THSD4: variants seen among roughly 807,000 people sequenced by gnomAD.
THSD4 encodes thrombospondin type 1 domain containing 4.
In THSD4, 69 loss-of-function variants were observed where a neutral mutation model predicts 119.0. The observed-to-expected ratio is 0.58, with a 90% CI of 0.48 to 0.71. THSD4 has a LOEUF of 0.71. Among genes scored for constraint, THSD4 ranks in the 30% least tolerant of loss-of-function variants. The probability of loss-of-function intolerance (pLI) is 0.00; values close to 1 mark genes in which losing one functional copy is unlikely to be tolerated. For missense variants in THSD4, 1,393 were observed against 1,391.1 expected, an observed-to-expected ratio of 1.00 and a Z score of -0.02; for synonymous variants, 524 against 540.4, an observed-to-expected ratio of 0.97 and a Z score of 0.42.
chr15:71,426,704 TCTCTCTTATAAACACC>T (rs2046874423), intron 7 of THSD4, among the ~76,000 whole-genome samples: 1 of 152,196 alleles, frequency 6.6e-6, no homozygotes, highest in Non-Finnish European at 1.5e-5. Context: ...TTGTGGACTC[TCTCTCTTATAAACACC>T]CCAAGCAAAC....
chr15:71,451,242 A>T (rs949653129), intron 7 of THSD4, among the ~76,000 whole-genome samples: 24 of 152,252 alleles, frequency 1.6e-4, no homozygotes, highest in Non-Finnish European at 1.0e-4. Context: ...TGAGTCAGGG[A>T]ACTGTATGGT....
Position 71,392,555 on chromosome 15 carries a change from AGTTT to A in THSD4, c.1016-19129_1016-19126del, listed in dbSNP as rs1363210618. Among the ~76,000 whole-genome samples the A allele has an allele frequency of 2.6e-5, 4 of 152,162 alleles. No homozygotes were observed. In the East Asian group the frequency reaches 7.7e-4, roughly 29 times the overall value. ...CAGTAGATTCTCCAGTGTGCTAGGT[AGTTT>A]GTCTAAAGGCCTAACCATCATCCTT... On this transcript the variant is annotated intron_variant, in intron 6 of 17. Coordinates refer to ENST00000261862, the MANE Select transcript of THSD4 (RefSeq NM_024817.3).
intron 6 of THSD4, among the ~76,000 whole-genome samples, chr15:71,304,212 G>A (rs1452661237): frequency 2.0e-5 from 3 of 152,090 alleles, no homozygotes; most frequent in African/African-American, 7.2e-5. Flanking sequence ...CATGAAACAT[G>A]GCACAAGCTC....
At chr15:71,730,739 C>T (rs2052960820) in intron 9 of THSD4, 1 of 169,386 alleles carries the variant, frequency 5.9e-6, no homozygotes, top group African/African-American at 2.4e-5. Context: ...CTTTGTCACG[C>T]CACCTAGTGT....
At chr15:71,618,868 G>A (rs998934433) in intron 7 of THSD4, among the ~76,000 whole-genome samples, 1 of 152,038 alleles carries the variant, frequency 6.6e-6, no homozygotes, top group African/African-American at 2.4e-5. Flanking sequence ...ATAAGCCACC[G>A]TGCACAGCCT....
chr15:71,252,328 C>T (rs2044268017), intron 5 of THSD4, among the ~76,000 whole-genome samples: 1 of 152,250 alleles, frequency 6.6e-6, no homozygotes, highest in Non-Finnish European at 1.5e-5. Context: ...GATCTGTAAC[C>T]TGGAAGTTTT....
At chr15:71,273,823 G>C (rs910172171) in intron 6 of THSD4, among the ~76,000 whole-genome samples, 1 of 152,130 alleles carries the variant, frequency 6.6e-6, no homozygotes, top group Non-Finnish European at 1.5e-5. Flanking sequence ...CACCAATTTT[G>C]GCTAAGTCAA....
intron 6 of THSD4, among the ~76,000 whole-genome samples, chr15:71,388,663 A>AT (rs2046326149): frequency 7.4e-6 from 1 of 134,230 alleles, no homozygotes; most frequent in Non-Finnish European, 1.6e-5. Flanking sequence ...CTTTGGAGAG[A>AT]GTGTGTGTGT....
At chr15:71,674,074 C>A (rs761425049) in intron 8 of THSD4, among the ~76,000 whole-genome samples, 1 of 152,214 alleles carries the variant, frequency 6.6e-6, no homozygotes, top group Non-Finnish European at 1.5e-5. Context: ...TTCTTCTGTG[C>A]GTCTCCTGTG....
chr15:71,559,565 C>T (rs1595884804), intron 7 of THSD4, among the ~76,000 whole-genome samples: 1 of 145,898 alleles, frequency 6.9e-6, no homozygotes, highest in Non-Finnish European at 1.5e-5. Flanking sequence ...TCTTTTCCTC[C>T]TTTTTTTTTT....
intron 3 of THSD4, chr15:71,164,894 A>G: frequency 1.3e-6 from 2 of 1,559,166 alleles, no homozygotes; most frequent in Non-Finnish European, 1.7e-6. Flanking sequence ...AGCCTTGACA[A>G]CTCCCTTTTT....
intron 6 of THSD4, among the ~76,000 whole-genome samples, chr15:71,399,163 C>T (rs1440241111): frequency 2.0e-5 from 3 of 152,056 alleles, no homozygotes; most frequent in Non-Finnish European, 4.4e-5. Context: ...ACATTTCAAT[C>T]ACGTGGACCT....
chr15:71,495,336 C>A (rs555120321), intron 7 of THSD4, among the ~76,000 whole-genome samples: 2 of 152,248 alleles, frequency 1.3e-5, no homozygotes, highest in African/African-American at 4.8e-5. Flanking sequence ...GAGAAGAAAG[C>A]CCGCAAGTAG....
At chr15:71,758,815 G>C (rs1433986664) in intron 15 of THSD4, among the ~76,000 whole-genome samples, 1 of 152,104 alleles carries the variant, frequency 6.6e-6, no homozygotes, top group Non-Finnish European at 1.5e-5. Flanking sequence ...CTTTTAAGTA[G>C]CATTAAAAAC....
At chr15:71,560,559 A>C (rs2049096744) in intron 7 of THSD4, among the ~76,000 whole-genome samples, 1 of 152,256 alleles carries the variant, frequency 6.6e-6, no homozygotes, top group Non-Finnish European at 1.5e-5. Context: ...TTTCGTAGGC[A>C]GATATTAGAG....
intron 1 of THSD4, among the ~76,000 whole-genome samples, chr15:71,123,069 G>A (rs561624069): frequency 1.3e-5 from 2 of 152,332 alleles, no homozygotes; most frequent in East Asian, 3.9e-4. Flanking sequence ...CAGATTGGAG[G>A]AACTTGATAC....
chr15:71,145,251 A>G (rs16955207), intron 2 of THSD4, among the ~76,000 whole-genome samples: 16,025 of 152,212 alleles, frequency 0.11, 1,183 homozygotes, highest in East Asian at 0.43. Flanking sequence ...AAACAGAACT[A>G]TCAAATGCCA....
At chr15:71,713,915 C>A (rs1038773268) in intron 8 of THSD4, among the ~76,000 whole-genome samples, 2 of 152,104 alleles carry the variant, frequency 1.3e-5, no homozygotes, top group Non-Finnish European at 2.9e-5. Flanking sequence ...CTGTGAGAAG[C>A]TGACTGTCCA....
At chr15:71,387,970 C>T (rs1040218193) in intron 6 of THSD4, among the ~76,000 whole-genome samples, 1 of 152,202 alleles carries the variant, frequency 6.6e-6, no homozygotes, top group Admixed American at 6.5e-5. Flanking sequence ...CAACCCAGAG[C>T]TATTTAATCT....
Sources: gnomAD v4.1 joint callset for allele counts (sites outside exome capture counted in the v4.1 genomes callset) on GRCh38, gnomAD v4.1.1 for gene constraint, MANE v1.5 for transcripts, NCBI Gene and HGNC (gene_info 2026-07-23, HGNC 2026-07-21) for gene names.